Variants in CHD8 observed in about 807,000 individuals in gnomAD.
The protein encoded by CHD8 is ATP-dependent chromatin remodeler CHD8.
Under a neutral mutation model 279.2 loss-of-function variants are expected in CHD8, and 31 were observed. The observed-to-expected ratio is 0.11, with a 90% CI of 0.08 to 0.15. CHD8 has a LOEUF of 0.15. CHD8 is among the 10% of genes least tolerant of loss of function. The pLI is 1.00. For missense variants in CHD8, 2,146 were observed against 3,230.5 expected (o/e 0.66, Z 8.14); for synonymous variants, 1,081 against 1,139.6 (o/e 0.95, Z 1.04).
At chr14:21,436,817 G>C (rs184140204) in intron 1 of CHD8, 129 of 487,072 alleles carry the variant, frequency 2.6e-4, no homozygotes, top group African/African-American at 2.5e-3. Context: ...ATGAAAAAAG[G>C]GAAAGGGCGA....
In CHD8 at chr14:21,448,703, C is replaced by T. The variant is rs369159503; in HGVS notation, c.-216+7329G>A. On this transcript the variant is annotated intron_variant, in intron 1 of 37. Coordinates refer to ENST00000646647, the MANE Select transcript of CHD8 (RefSeq NM_001170629.2). Reference sequence around the variant, plus strand: ...TCCTGAGTAGCTGGGACTACAGGCGCGCGCCACTACACCTGGCTAATTTTT... The same window carrying T: ...TCCTGAGTAGCTGGGACTACAGGCGTGCGCCACTACACCTGGCTAATTTTT... Among the ~76,000 whole-genome samples the T allele has an allele frequency of 1.3e-4, 20 of 151,960 alleles. No homozygotes were observed. The East Asian group carries it at 3.3e-3, about 25-fold the overall frequency.
At chr14:21,422,290 G>T (rs1204399046) in intron 5 of CHD8, among the ~76,000 whole-genome samples, 1 of 152,004 alleles carries the variant, frequency 6.6e-6, no homozygotes. Context: ...ATAGTGAGCC[G>T]AGATTGTGCT....
rs886042608 is a variant in CHD8, at chr14:21,428,177, T to A, written c.1293A>T (p.Ser431=). Residue 431 remains serine (S), a synonymous_variant, in exon 4 of 38, where the codon TCA becomes TCT. Transcript: ENST00000646647. Reference sequence around the variant, plus strand: ...AATGAGGAGCAGAGCTTGCTGGTGATGACAAAGCTGCCACTTCACTGGCAC... The same window carrying A: ...AATGAGGAGCAGAGCTTGCTGGTGAAGACAAAGCTGCCACTTCACTGGCAC... ...VLSASEVAAL[S]SPASSAPHSG... 1 of 1,614,002 alleles carries A rather than the reference T, an allele frequency of 6.2e-7. No individual in the cohort carries two copies. Among genetic ancestry groups the A allele is most frequent in the Admixed American group, 1.7e-5 (1 of 60,024 alleles).
intron 5 of CHD8, among the ~76,000 whole-genome samples, chr14:21,422,267 G>T (rs1889079223): frequency 1.3e-5 from 2 of 152,080 alleles, no homozygotes; most frequent in South Asian, 4.2e-4. Flanking sequence ...CTTGAACCCG[G>T]GAGGTGGAGG....
rs1889458014 is a variant in CHD8, at chr14:21,429,238, A to G, written c.941T>C (p.Ile314Thr). Reference sequence around the variant, plus strand: ...TGCCAGCTGGTTGCCCTGTAACACTATCTTGCCTGGTAGACTCCCTAGCAC... The same window carrying G: ...TGCCAGCTGGTTGCCCTGTAACACTGTCTTGCCTGGTAGACTCCCTAGCAC... ...HVVLGSLPGK[I>T]VLQGNQLAAL... The change falls in exon 3 of 38, where the codon ATA becomes ACA. Residue 314 changes from isoleucine to threonine, a missense_variant. Physicochemically the swap from Ile to Thr is moderately conservative, Grantham distance 89. Coordinates refer to ENST00000646647, the MANE Select transcript of CHD8 (RefSeq NM_001170629.2). The G allele has an allele frequency of 6.2e-7, 1 of 1,613,732 alleles. No individual in the cohort carries two copies. Among genetic ancestry groups the G allele is most frequent in the African/African-American group, 1.3e-5 (1 of 74,906 alleles).
Position 21,386,108 on chromosome 14 carries a change from C to T in CHD8, c.7251G>A (p.Lys2417=). Residue 2417 remains lysine (K), a synonymous_variant, in exon 38 of 38, where the codon AAG becomes AAA. Transcript: ENST00000646647. The stretch of plus-strand genomic sequence containing the variant: ...GGTCTGGTCGCATCCTACGGGCCCG[C>T]TTCTTGCTGCTCTCTGGTGCAATAG... ...PGPIAPESSK[K]RARRMRPDLS... is the part of the protein sequence containing the mutation. The T allele has an allele frequency of 6.4e-7, 1 of 1,555,484 alleles. No homozygotes were observed. The highest frequency in any genetic ancestry group is 1.4e-5 in the African/African-American group (1 of 73,346).
rs1889574742 is a variant in CHD8, at chr14:21,431,769, AGT to A, written c.-128_-127del. 4.3e-6 allele frequency: 7 copies of A among 1,613,380 alleles called. No homozygotes were observed. The highest frequency in any genetic ancestry group is 5.9e-6 in the Non-Finnish European group (7 of 1,179,484). ...CACAATGTAAGAGGACTACTCTTCA[AGT>A]ATAGAGGCAAGAAACAAGTGCATGT... On this transcript the variant is annotated 5_prime_UTR_variant, in exon 2 of 38. It introduces an in-frame stop codon into an upstream open reading frame of the 5' UTR. Coordinates refer to ENST00000646647, the MANE Select transcript of CHD8 (RefSeq NM_001170629.2).
intron 1 of CHD8, chr14:21,436,974 C>T (rs189455398): frequency 1.6e-6 from 2 of 1,284,628 alleles, no homozygotes; most frequent in African/African-American, 3.1e-5. Flanking sequence ...AACTGGAGAC[C>T]CCAAAATGGA....
Position 21,431,762 on chromosome 14 carries a change from C to T in CHD8, c.-119G>A, listed in dbSNP as rs768247549. 1.2e-6 allele frequency: 2 copies of T among 1,613,276 alleles called. No individual in the cohort carries two copies. The highest frequency in any genetic ancestry group is 1.7e-6 in the Non-Finnish European group (2 of 1,179,334). On this transcript the variant is annotated 5_prime_UTR_variant, in exon 2 of 38. Coordinates refer to ENST00000646647, the MANE Select transcript of CHD8 (RefSeq NM_001170629.2). ...AAATGTACACAATGTAAGAGGACTA[C>T]TCTTCAAGTATAGAGGCAAGAAACA... is the stretch of plus-strand genomic sequence containing the variant.
intron 7 of CHD8, 36 bp from the exon 8 acceptor site, chr14:21,415,029 T>C (rs747882639): frequency 7.1e-7 from 1 of 1,405,528 alleles, no homozygotes; most frequent in Non-Finnish European, 9.9e-7. Context: ...ACTAGTCCCT[T>C]ATTTGTAAAA....
chr14:21,392,284 T>G, intron 34 of CHD8: 1 of 759,040 alleles, frequency 1.3e-6, no homozygotes, highest in African/African-American at 1.7e-5. Flanking sequence ...GCATACTAAT[T>G]TAAGAAACTT....
At position 21,403,098 on chromosome 14, in the gene CHD8, A is replaced by C; in HGVS notation, c.3633T>G (p.Ala1211=). The C allele has an allele frequency of 6.2e-7, 1 of 1,614,098 alleles. No individual in the cohort carries two copies. Among genetic ancestry groups the C allele is most frequent in the Non-Finnish European group, 8.5e-7 (1 of 1,179,910 alleles). ...DRFVFLLCTR[A]GGLGINLTAA... is the part of the protein sequence containing the mutation. ...CTGTAAGATTAATACCAAGTCCACC[A>C]GCCCGGGTACACAGTAAGAAGACAA... is the stretch of plus-strand genomic sequence containing the variant. Residue 1211 remains alanine, a synonymous_variant, in exon 18 of 38, where the codon GCT becomes GCG. Transcript: ENST00000646647. The surrounding 1 kb of genome is among the most constrained non-coding windows in gnomAD (Gnocchi z 4.3).
At chr14:21,387,046 C>T (rs1222075606) in intron 37 of CHD8, among the ~76,000 whole-genome samples, 1 of 152,176 alleles carries the variant, frequency 6.6e-6, no homozygotes, top group East Asian at 1.9e-4. Context: ...TTTTGTTCCA[C>T]ATTGATAAAA....
At chr14:21,416,436 A>C (rs961607367) in intron 5 of CHD8, 2 of 152,286 alleles carry the variant, frequency 1.3e-5, no homozygotes, top group Non-Finnish European at 2.9e-5. Flanking sequence ...TTTTCTAATT[A>C]AGTAATTTAA....
At chr14:21,423,013 G>A (rs1889119060) in intron 5 of CHD8, among the ~76,000 whole-genome samples, 1 of 152,104 alleles carries the variant, frequency 6.6e-6, no homozygotes, top group African/African-American at 2.4e-5. Flanking sequence ...CCTGAGGTCA[G>A]GAGTTTGAGA....
chr14:21,412,304 C>T (rs1456193195), intron 10 of CHD8, among the ~76,000 whole-genome samples: 1 of 151,944 alleles, frequency 6.6e-6, no homozygotes, highest in African/African-American at 2.4e-5. Context: ...TGCCACCACA[C>T]CTGGCTAATT....
intron 1 of CHD8, 51 bp from the exon 2 acceptor site, chr14:21,431,909 C>G: frequency 1.5e-6 from 2 of 1,293,494 alleles, no homozygotes; most frequent in Non-Finnish European, 2.2e-6. Context: ...TTGGCGATCT[C>G]AGAGAAAATT....
rs959794621 is a variant in CHD8, at chr14:21,393,652, G to C, written c.6143C>G (p.Ser2048Cys). The C allele has an allele frequency of 1.2e-6, 2 of 1,613,914 alleles. No individual in the cohort carries two copies. The highest frequency in any genetic ancestry group is 3.3e-5 in the Admixed American group (2 of 60,024). Residue 2048 changes from serine (S) to cysteine (C), a missense_variant, in exon 32 of 38, where the codon TCT becomes TGT. Ser to Cys is a moderately radical substitution (Grantham distance 112). Transcript: ENST00000646647. ...PQDYEMRVSP[S>C]DTTPLVSRSV... is the part of the protein sequence containing the mutation. ...CCGGGAAACCAGAGGGGTAGTATCA[G>C]AGGGGGATACTCGCATCTCATAGTC...
In CHD8 at chr14:21,414,967, T is replaced by C. The variant is rs1460598020; in HGVS notation, c.1995A>G (p.Ala665=). ...TCTTGTACTTGACAAAGAATTCTTC[T>C]GCTTCAGTATATTGTCCAGAAGGGA... ...KELPSGQYTE[A]EEFFVKYKNY... Residue 665 remains alanine (A), a synonymous_variant, in exon 8 of 38, where the codon GCA becomes GCG. Coordinates refer to ENST00000646647, the MANE Select transcript of CHD8 (RefSeq NM_001170629.2). 1 of 1,600,032 alleles carries C rather than the reference T, an allele frequency of 6.2e-7. No homozygotes were observed. Among genetic ancestry groups the C allele is most frequent in the African/African-American group, 1.3e-5 (1 of 74,720 alleles).
Sources: allele counts gnomAD v4.1 joint callset (sites outside exome capture counted in the v4.1 genomes callset), GRCh38; gene constraint gnomAD v4.1.1; non-coding constraint Gnocchi (gnomAD v3.1); transcripts MANE v1.5; gene names NCBI Gene and HGNC (gene_info 2026-07-23, HGNC 2026-07-21).